The following TRHDE variants were observed in gnomAD, a reference collection of about 807,000 sequenced individuals.
TRHDE encodes the protein thyrotropin releasing hormone degrading enzyme.
TRHDE carries 72 observed loss-of-function variants against 125.7 expected under a neutral mutation model. That is an observed-to-expected ratio of 0.57 (90% CI 0.47 to 0.70). The LOEUF (loss-of-function observed/expected upper bound fraction) is 0.70, where lower values mean the gene tolerates loss of function less well. TRHDE is among the 30% of genes least tolerant of loss of function. The pLI is 0.00. For synonymous variants in TRHDE, 509 were observed against 509.1 expected, an observed-to-expected ratio of 1.00 and a Z score of 0.00; for missense variants, 1,110 against 1,327.1, an observed-to-expected ratio of 0.84 and a Z score of 2.54.
At chr12:72,546,138 C>T (rs1228095559) in intron 7 of TRHDE, among the ~76,000 whole-genome samples, 3 of 151,642 alleles carry the variant, frequency 2.0e-5, no homozygotes, top group Non-Finnish European at 4.4e-5. Flanking sequence ...TGTCAATACC[C>T]TAACTCTCAC....
At chr12:72,501,649 T>G (rs1485782785) in intron 6 of TRHDE, among the ~76,000 whole-genome samples, 1 of 152,116 alleles carries the variant, frequency 6.6e-6, no homozygotes, top group African/African-American at 2.4e-5. Context: ...AGTATGTAAT[T>G]TTCTTTCTTG....
intron 2 of TRHDE, among the ~76,000 whole-genome samples, chr12:72,153,613 T>G (rs1297679244): frequency 6.6e-6 from 1 of 152,196 alleles, no homozygotes; most frequent in Admixed American, 6.5e-5. Context: ...TCTCACTGGT[T>G]TCAAAGAACA....
chr12:72,526,475 A>G (rs1436341388), intron 6 of TRHDE, among the ~76,000 whole-genome samples: 1 of 152,118 alleles, frequency 6.6e-6, no homozygotes, highest in African/African-American at 2.4e-5. Flanking sequence ...TGTTGTTGGG[A>G]TGACTGTACT....
In TRHDE at chr12:72,302,873, G is replaced by C. The variant is rs142832030; in HGVS notation, c.1188+15919G>C. The stretch of plus-strand genomic sequence containing the variant: ...TTGGACTGGATAACTTTTGTTGTGG[G>C]AGTCTGTCCTGTGCATTGTAGGATA... On this transcript the variant is annotated intron_variant, in intron 2 of 18. Coordinates refer to ENST00000261180, the MANE Select transcript of TRHDE (RefSeq NM_013381.3). 3.9e-4 allele frequency among the ~76,000 whole-genome samples: 59 copies of C among 152,268 alleles called. 2 individuals are homozygous for C. The East Asian group carries it at 0.01, about 27-fold the overall frequency.
chr12:72,492,582 G>A (rs980868902), intron 5 of TRHDE, among the ~76,000 whole-genome samples: 1 of 151,526 alleles, frequency 6.6e-6, no homozygotes, highest in African/African-American at 2.4e-5. Context: ...TTCAACTCTT[G>A]ATCATATTTC....
rs541792925 is a variant in TRHDE at position 72,478,911 on chromosome 12, C to CT, written c.1584+5739dup. ...AGTGGAGACTGAATAGATATTAATA[C>CT]TTTTTTTTAGCAAAAAAAAAAAAAA... On this transcript the variant is annotated intron_variant, in intron 5 of 18. Transcript: ENST00000261180. 1.5e-4 allele frequency among the ~76,000 whole-genome samples: 9 copies of CT among 60,100 alleles called. No individual in the cohort carries two copies. In the Admixed American group the frequency reaches 1.7e-3, roughly 11 times the overall value. 39.4% of individuals were successfully genotyped at this position (60,100 alleles called of 152,430 possible).
intron 15 of TRHDE, among the ~76,000 whole-genome samples, chr12:72,623,235 G>A (rs769651440): frequency 2.6e-5 from 4 of 151,914 alleles, no homozygotes; most frequent in Admixed American, 2.6e-4. Context: ...AAAGTATAGT[G>A]TCTTCTCTCT....
At position 72,227,854 on chromosome 12, in the gene TRHDE, T is replaced by C. The variant is rs145479891; in HGVS notation, n.279+122102T>C. On this transcript the variant is annotated intron_variant and non_coding_transcript_variant, in intron 2 of 4. Transcript: ENST00000548156. ...ATGCATTCTGGGAAATCCAGTGGGGTAGTCAAATCTTAAAGCTCCAAAATG... is the reference window on the plus strand; with the variant it reads ...ATGCATTCTGGGAAATCCAGTGGGGCAGTCAAATCTTAAAGCTCCAAAATG... Among the ~76,000 whole-genome samples, 3 of 152,108 alleles carry C rather than the reference T, an allele frequency of 2.0e-5. No individual in the cohort carries two copies. In the East Asian group the frequency reaches 5.8e-4, roughly 29 times the overall value.
chr12:72,638,134 A>G (rs1873851100), intron 15 of TRHDE, among the ~76,000 whole-genome samples: 1 of 146,416 alleles, frequency 6.8e-6, no homozygotes, highest in South Asian at 2.3e-4. Context: ...AATGTGTGGG[A>G]GTCTAAGTCT....
At chr12:72,291,086 C>A (rs1294398043) in intron 2 of TRHDE, among the ~76,000 whole-genome samples, 1 of 152,130 alleles carries the variant, frequency 6.6e-6, no homozygotes, top group African/African-American at 2.4e-5. Flanking sequence ...GGGTCTCATC[C>A]CATTACAACA....
At chr12:72,487,654 G>A in intron 5 of TRHDE, among the ~76,000 whole-genome samples, 1 of 152,042 alleles carries the variant, frequency 6.6e-6, no homozygotes, top group East Asian at 1.9e-4. Context: ...TCTTCAAATG[G>A]TAATTAAAGA....
At chr12:72,395,593 G>A (rs924730381) in intron 3 of TRHDE, among the ~76,000 whole-genome samples, 1 of 151,854 alleles carries the variant, frequency 6.6e-6, no homozygotes, top group African/African-American at 2.4e-5. Flanking sequence ...ATTTCATCCA[G>A]GTTAGATGAT....
At chr12:72,594,903 C>T (rs1010339821) in intron 12 of TRHDE, among the ~76,000 whole-genome samples, 5 of 151,728 alleles carry the variant, frequency 3.3e-5, no homozygotes, top group African/African-American at 9.7e-5. Context: ...GAAAATGTGG[C>T]ACATATACAC....
At chr12:72,330,105 T>C (rs74103438) in intron 2 of TRHDE, among the ~76,000 whole-genome samples, 10,209 of 152,204 alleles carry the variant, frequency 0.067, 401 homozygotes, top group African/African-American at 0.11. Context: ...ATTTCTTGCT[T>C]GCTAACTTAA....
chr12:72,490,244 G>A lies in TRHDE; in HGVS notation c.1585-9254G>A, dbSNP rs572466446. Among the ~76,000 whole-genome samples, 242 of 151,884 alleles carry A rather than the reference G, an allele frequency of 1.6e-3. 1 individual carries two copies. Among genetic ancestry groups the A allele is most frequent in the African/African-American group, 5.7e-3 (236 of 41,520 alleles). On this transcript the variant is annotated intron_variant, in intron 5 of 18. Coordinates refer to ENST00000261180, the MANE Select transcript of TRHDE (RefSeq NM_013381.3). ...ATATATGAAAAGATGCTCAACATTG[G>A]TAGTCATCAGAGAAATGCAAATGAA...
intron 2 of TRHDE, among the ~76,000 whole-genome samples, chr12:72,327,488 T>G (rs545514728): frequency 6.6e-6 from 1 of 152,278 alleles, no homozygotes; most frequent in East Asian, 1.9e-4. Flanking sequence ...ATCATTACAA[T>G]TAAATGGATC....
chr12:72,538,196 CTTCT>C (rs1009963021), intron 6 of TRHDE, among the ~76,000 whole-genome samples: 1 of 151,924 alleles, frequency 6.6e-6, no homozygotes, highest in South Asian at 2.1e-4. Context: ...TCTTTTCTTC[CTTCT>C]GTTTTCACTT....
chr12:72,510,046 C>T (rs1375974965), intron 6 of TRHDE, among the ~76,000 whole-genome samples: 1 of 152,102 alleles, frequency 6.6e-6, no homozygotes, highest in African/African-American at 2.4e-5. Flanking sequence ...CACATGTGAC[C>T]TGACCCCTCA....
intron 13 of TRHDE, among the ~76,000 whole-genome samples, chr12:72,620,353 A>G (rs1046087245): frequency 6.6e-6 from 1 of 151,052 alleles, no homozygotes; most frequent in Non-Finnish European, 1.5e-5. Context: ...AAAAAAAAAA[A>G]AAAAAAAAGA....
Sources: gnomAD v4.1 joint callset for allele counts (sites outside exome capture counted in the v4.1 genomes callset) on GRCh38, gnomAD v4.1.1 for gene constraint, MANE v1.5 for transcripts, NCBI Gene and HGNC (gene_info 2026-07-23, HGNC 2026-07-21) for gene names.